Variants in NINL observed in about 807,000 individuals in gnomAD.
NINL encodes ninein like, also known as ninein-like protein.
Under a neutral mutation model 160.3 loss-of-function variants are expected in NINL, and 153 were observed. That is an observed-to-expected ratio of 0.95 (90% confidence interval 0.84 to 1.09). The LOEUF (loss-of-function observed/expected upper bound fraction) is 1.09, where lower values mean the gene tolerates loss of function less well. Among genes scored for constraint, NINL ranks in the 50% least tolerant of loss-of-function variants. The pLI, the probability that NINL is intolerant of heterozygous loss-of-function variation, is 0.00. For missense variants in NINL, 1,829 were observed against 1,764.0 expected, an observed-to-expected ratio of 1.04 and a Z score of -0.66; for synonymous variants, 800 against 734.8, an observed-to-expected ratio of 1.09 and a Z score of -1.43.
chr20:25,490,111 C>T (rs2063593346), intron 11 of NINL, 126 bp from the exon 12 acceptor site: 7 of 847,408 alleles, frequency 8.3e-6, no homozygotes, highest in Middle Eastern at 4.5e-4. Flanking sequence ...CCACCGCAGG[C>T]GAGGCACCTG....
intron 1 of NINL, among the ~76,000 whole-genome samples, chr20:25,565,173 A>T (rs151092028): frequency 1.3e-5 from 2 of 152,350 alleles, no homozygotes; most frequent in African/African-American, 4.8e-5. Flanking sequence ...AGAAAAAAAT[A>T]ACCATTTTGA....
intron 2 of NINL, among the ~76,000 whole-genome samples, chr20:25,525,646 TG>T (rs778881674): frequency 4.6e-5 from 7 of 152,158 alleles, no homozygotes; most frequent in Non-Finnish European, 1.0e-4. Flanking sequence ...AAAGTGAGAC[TG>T]TCTCAAAAAA....
At chr20:25,480,805 G>GACT (rs2063371939) in intron 14 of NINL, among the ~76,000 whole-genome samples, 1 of 152,194 alleles carries the variant, frequency 6.6e-6, no homozygotes, top group South Asian at 2.1e-4. Context: ...TGAGACTGAC[G>GACT]GGCAGGGAGG....
chr20:25,510,511 C>T (rs1042751993), intron 5 of NINL, among the ~76,000 whole-genome samples, 163 bp downstream of exon 5: 12 of 152,224 alleles, frequency 7.9e-5, no homozygotes, highest in Admixed American at 7.8e-4. Context: ...TGATGACATT[C>T]TGACCACTCC....
intron 1 of NINL, among the ~76,000 whole-genome samples, chr20:25,531,344 G>A (rs61849758): frequency 1.8e-3 from 268 of 152,164 alleles, no homozygotes; most frequent in Middle Eastern, 6.8e-3. Context: ...GTCCTGAGGC[G>A]ACATACACCC....
chr20:25,470,151 G>A (rs1016647088), intron 17 of NINL, 56 bp from the exon 18 acceptor site: 21 of 1,412,816 alleles, frequency 1.5e-5, no homozygotes, highest in Non-Finnish European at 1.9e-5. Flanking sequence ...ATGTGGTCAC[G>A]GAGGCTGGCT....
In NINL at chr20:25,467,351, T is replaced by C. The variant is rs766360209; in HGVS notation, c.3423+38A>G. On this transcript the variant is annotated intron_variant, in intron 19 of 23. Coordinates refer to ENST00000278886, the MANE Select transcript of NINL (RefSeq NM_025176.6). ...ATTTCAAAATAATGAAAAAAAGGAA[T>C]GGTGGCATGAGCTCCATGCCAGGCG... The C allele has an allele frequency of 7.7e-6, 11 of 1,426,934 alleles. No individual in the cohort carries two copies. The East Asian group carries it at 9.1e-5, about 12-fold the overall frequency. The allele number at this position is 1,426,934 out of a possible 1,614,324, so 88.4% of individuals were successfully genotyped here.
At chr20:25,461,773 C>T (rs1202261346) in intron 20 of NINL, 138 bp from the exon 21 acceptor site, 14 of 619,332 alleles carry the variant, frequency 2.3e-5, no homozygotes, top group South Asian at 3.8e-5. Context: ...CAACCAAGGC[C>T]GGCCCTGTGT....
chr20:25,573,813 A>G (rs1186918927), intron 1 of NINL, among the ~76,000 whole-genome samples: 3 of 152,216 alleles, frequency 2.0e-5, no homozygotes, highest in Admixed American at 6.5e-5. Flanking sequence ...TCTGACACAC[A>G]TAGAGTTCAA....
intron 1 of NINL, among the ~76,000 whole-genome samples, chr20:25,572,287 GA>G (rs1192575073): frequency 1.3e-5 from 2 of 149,958 alleles, no homozygotes; most frequent in South Asian, 4.4e-4. Context: ...AGGTTGAGGG[GA>G]AAAAAAACGG....
intron 6 of NINL, 101 bp downstream of exon 6, chr20:25,504,787 A>T: frequency 8.3e-7 from 1 of 1,202,998 alleles, no homozygotes; most frequent in Non-Finnish European, 1.2e-6. Flanking sequence ...AAAGTGATGC[A>T]CCTACATGAG....
intron 10 of NINL, among the ~76,000 whole-genome samples, chr20:25,492,271 C>T (rs1320169957): frequency 2.0e-5 from 3 of 152,204 alleles, no homozygotes; most frequent in Non-Finnish European, 4.4e-5. Context: ...AATAATCTGA[C>T]TAATTTAATA....
chr20:25,486,444 T>A (rs1039045975), intron 13 of NINL, among the ~76,000 whole-genome samples: 2 of 152,168 alleles, frequency 1.3e-5, no homozygotes, highest in African/African-American at 4.8e-5. Flanking sequence ...AATCTATTAA[T>A]GGAAGGTTAT....
intron 1 of NINL, among the ~76,000 whole-genome samples, chr20:25,535,320 G>A (rs76316134): frequency 0.014 from 2,063 of 152,218 alleles, 18 homozygotes; most frequent in Non-Finnish European, 0.02. Context: ...ACATGAATAA[G>A]TTCTGGCGAT....
At chr20:25,564,764 G>A (rs1347176350) in intron 1 of NINL, among the ~76,000 whole-genome samples, 1 of 149,538 alleles carries the variant, frequency 6.7e-6, no homozygotes, top group Non-Finnish European at 1.5e-5. Flanking sequence ...GTTCTAACAT[G>A]TAAAGAGCCT....
rs183339248 is a variant in NINL, at chr20:25,505,666, G to A, written c.518-588C>T. Reference sequence around the variant, plus strand: ...CCTGTGCTCCAGGCTGAAGCATTTCGGGGAAGCACAGCAATGCTGGTCAGT... The same window carrying A: ...CCTGTGCTCCAGGCTGAAGCATTTCAGGGAAGCACAGCAATGCTGGTCAGT... On this transcript the variant is annotated intron_variant, in intron 5 of 23. Transcript: ENST00000278886. Among the ~76,000 whole-genome samples the A allele has an allele frequency of 5.9e-5, 9 of 152,288 alleles. No individual in the cohort carries two copies. In the East Asian group the frequency reaches 9.6e-4, roughly 16 times the overall value.
chr20:25,571,173 C>G (rs776743693), intron 1 of NINL, among the ~76,000 whole-genome samples: 1 of 152,134 alleles, frequency 6.6e-6, no homozygotes. Flanking sequence ...GTAAGAACCA[C>G]GTCAAAATAT....
At chr20:25,505,208 A>C in intron 5 of NINL, 130 bp from the exon 6 acceptor site, 1 of 838,464 alleles carries the variant, frequency 1.2e-6, no homozygotes, top group Non-Finnish European at 1.8e-6. Context: ...CGCTAAGTGA[A>C]ATTAGCAGAC....
At chr20:25,540,709 C>T (rs544798192) in intron 1 of NINL, among the ~76,000 whole-genome samples, 1 of 152,284 alleles carries the variant, frequency 6.6e-6, no homozygotes, top group South Asian at 2.1e-4. Context: ...CCCAATAAAA[C>T]ACTGAAGCCA....
Sources: gnomAD v4.1 joint callset for allele counts (sites outside exome capture counted in the v4.1 genomes callset) on GRCh38, gnomAD v4.1.1 for gene constraint, MANE v1.5 for transcripts, NCBI Gene and HGNC (gene_info 2026-07-23, HGNC 2026-07-21) for gene names.